VASP: variants seen among roughly 807,000 people sequenced by gnomAD.
VASP encodes the protein vasodilator stimulated phosphoprotein.
In VASP, 27 loss-of-function variants were observed where a neutral mutation model predicts 54.4. That is an observed-to-expected ratio of 0.50 (90% CI 0.37 to 0.68). The LOEUF (loss-of-function observed/expected upper bound fraction) is 0.68, where lower values mean the gene tolerates loss of function less well. Among genes scored for constraint, VASP ranks in the 30% least tolerant of loss-of-function variants. The probability of loss-of-function intolerance (pLI) is 0.00; values close to 1 mark genes in which losing one functional copy is unlikely to be tolerated. For missense variants in VASP, 488 were observed against 528.3 expected (o/e 0.92, Z 0.75); for synonymous variants, 233 against 209.8 (o/e 1.11, Z -0.96).
In VASP at chr19:45,523,634, T is replaced by C. The variant is rs748011786; in HGVS notation, c.822-10T>C. The C allele has an allele frequency of 4.3e-6, 7 of 1,613,832 alleles. No homozygotes were observed. The African/African-American group carries it at 8.0e-5, about 18-fold the overall frequency. On this transcript the variant is annotated splice_polypyrimidine_tract_variant and intron_variant, in intron 7 of 12. Transcript: ENST00000245932. ...ACGGAAGCACGTGTTTTTGCTTTTC[T>C]CTCCTGCAGAAGGAAAGCCACGCAA...
intron 3 of VASP, among the ~76,000 whole-genome samples, chr19:45,518,368 C>T (rs1402346792): frequency 6.6e-6 from 1 of 152,102 alleles, no homozygotes; most frequent in African/African-American, 2.4e-5. Context: ...AGGAGTTTCA[C>T]CGTGCCCAAC....
intron 3 of VASP, among the ~76,000 whole-genome samples, chr19:45,519,887 G>T (rs1299510953): frequency 1.7e-5 from 2 of 117,758 alleles, no homozygotes; most frequent in Admixed American, 9.4e-5. Context: ...GAGCCACTGC[G>T]CCCGGCCTTT....
intron 11 of VASP, among the ~76,000 whole-genome samples, chr19:45,525,358 G>T (rs940351810): frequency 4.6e-5 from 7 of 152,136 alleles, no homozygotes; most frequent in African/African-American, 9.7e-5. Context: ...GAGGTCAGGG[G>T]TTCAAGACCA....
chr19:45,522,398 T>C lies in VASP; in HGVS notation c.537T>C (p.Pro179=), dbSNP rs1417809077. The change falls in exon 6 of 13, where the codon CCT becomes CCC. Residue 179 remains proline, a synonymous_variant. Coordinates refer to ENST00000245932, the MANE Select transcript of VASP (RefSeq NM_003370.4). The part of the protein sequence containing the change: ...GPPPPPGPPP[P]PGPPPPPGLP... ...CCCCACCACCAGGACCTCCCCCTCC[T>C]CCAGGTCCCCCCCCACCCCCAGGTT... 1 of 1,433,468 alleles carries C rather than the reference T, an allele frequency of 7.0e-7. No individual in the cohort carries two copies. Among genetic ancestry groups the C allele is most frequent in the Non-Finnish European group, 9.4e-7 (1 of 1,063,080 alleles). The allele number at this position is 1,433,468 out of a possible 1,614,324, so 88.8% of individuals were successfully genotyped here.
At chr19:45,513,468 C>CATTTTTTTT (rs1968640369) in intron 1 of VASP, among the ~76,000 whole-genome samples, 1 of 92,766 alleles carries the variant, frequency 1.1e-5, no homozygotes, top group Non-Finnish European at 2.0e-5. Flanking sequence ...AGTCTCTCTC[C>CATTTTTTTT]TTTTTTTTTT....
At position 45,513,468 on chromosome 19, in the gene VASP, C is replaced by CTTTTTTTTTTTTTTTT. The variant is rs71173173; in HGVS notation, c.6-4189_6-4174dup. ...CATCTTGCCCAAGCTAGTCTCTCTC[C>CTTTTTTTTTTTTTTTT]TTTTTTTTTTTTTTTTTTTTTGAGA... On this transcript the variant is annotated intron_variant, in intron 1 of 12. Transcript: ENST00000245932. Among the ~76,000 whole-genome samples, 25 of 92,782 alleles carry CTTTTTTTTTTTTTTTT rather than the reference C, an allele frequency of 2.7e-4. 1 individual carries two copies. The highest frequency in any genetic ancestry group is 9.7e-4 in the East Asian group (3 of 3,096). 60.9% of individuals were successfully genotyped at this position (92,782 alleles called of 152,430 possible). A position where few individuals can be genotyped will look rare whatever the true frequency, so the allele number is the denominator to read the frequency against.
At chr19:45,514,731 G>T (rs1206104873) in intron 1 of VASP, among the ~76,000 whole-genome samples, 1 of 152,210 alleles carries the variant, frequency 6.6e-6, no homozygotes, top group Non-Finnish European at 1.5e-5. Context: ...CTGGGTGTGG[G>T]TGGCAGGTGT....
At chr19:45,519,608 T>C (rs529495380) in intron 3 of VASP, among the ~76,000 whole-genome samples, 1 of 150,002 alleles carries the variant, frequency 6.7e-6, no homozygotes, top group South Asian at 2.1e-4. Context: ...TTTTTTTTTT[T>C]TTTTTGGAGA....
At chr19:45,525,351 G>T (rs927709241) in intron 11 of VASP, among the ~76,000 whole-genome samples, 1 of 152,124 alleles carries the variant, frequency 6.6e-6, no homozygotes, top group African/African-American at 2.4e-5. Flanking sequence ...ATCACCTGAG[G>T]TCAGGGGTTC....
intron 1 of VASP, among the ~76,000 whole-genome samples, chr19:45,509,424 G>A (rs999573609): frequency 2.0e-5 from 3 of 152,056 alleles, no homozygotes; most frequent in African/African-American, 7.2e-5. Context: ...CAGGCTCGGT[G>A]GAAGGCGGAT....
At position 45,523,857 on chromosome 19, in the gene VASP, C is replaced by T; in HGVS notation, c.890C>T (p.Ala297Val). The change falls in exon 9 of 13, where the codon GCC (alanine) becomes GTC (valine). Residue 297 changes from alanine (A) to valine (V), a missense_variant. This residue lies in a region of VASP where 126 missense variants were observed against 134.8 expected (regional missense o/e 0.94). Coordinates refer to ENST00000245932, the MANE Select transcript of VASP (RefSeq NM_003370.4). ...TCCTACCAGCAGGAGGAGCCAGAGGCCAGAGTCCCGGCCCAGAGTGGTGAG... is the reference window on the plus strand; with the variant it reads ...TCCTACCAGCAGGAGGAGCCAGAGGTCAGAGTCCCGGCCCAGAGTGGTGAG... ...DESANQEEPE[A>V]RVPAQSESVR... 1.2e-6 allele frequency: 2 copies of T among 1,613,932 alleles called. No homozygotes were observed. Among genetic ancestry groups the T allele is most frequent in the Non-Finnish European group, 1.7e-6 (2 of 1,179,992 alleles).
chr19:45,513,687 C>T (rs1439585495), intron 1 of VASP, among the ~76,000 whole-genome samples: 2 of 151,614 alleles, frequency 1.3e-5, no homozygotes, highest in South Asian at 2.1e-4. Context: ...AGGCTGGTGT[C>T]GAACTCTTGA....
In VASP at chr19:45,515,767, A is replaced by C. The variant is rs183706550; in HGVS notation, c.6-1896A>C. On this transcript the variant is annotated intron_variant, in intron 1 of 12. Transcript: ENST00000245932. ...TGCCCAGGCTGGTCTCGAACACCTG[A>C]GCTCAAGCGATCCATTCACCTCAGC... Among the ~76,000 whole-genome samples, 57 of 152,156 alleles carry C rather than the reference A, an allele frequency of 3.7e-4. 1 individual carries two copies. The highest frequency in any genetic ancestry group is 1.3e-3 in the Admixed American group (20 of 15,274).
Position 45,526,543 on chromosome 19 carries a change from G to T in VASP, c.*366G>T, listed in dbSNP as rs552372347. 59 of 173,690 alleles carry T rather than the reference G, an allele frequency of 3.4e-4. No homozygotes were observed. The highest frequency in any genetic ancestry group is 1.1e-3 in the African/African-American group (46 of 42,028). The allele number at this position is 173,690 out of a possible 1,614,324, so 10.8% of individuals were successfully genotyped here. On this transcript the variant is annotated 3_prime_UTR_variant, in exon 13 of 13. Coordinates refer to ENST00000245932, the MANE Select transcript of VASP (RefSeq NM_003370.4). ...AACGCTTAATGCCTTCAAAGTTTTG[G>T]TTTTTTTAAGAAAAAAAAATATATA...
intron 1 of VASP, among the ~76,000 whole-genome samples, chr19:45,509,798 A>T (rs1968565924): frequency 6.6e-6 from 1 of 152,188 alleles, no homozygotes; most frequent in Non-Finnish European, 1.5e-5. Context: ...GGGGAAACTG[A>T]GGCTCAAAGA....
In VASP at chr19:45,507,823, G is replaced by A. The variant is rs1339007167; in HGVS notation, c.5+47G>A. 2 of 1,202,438 alleles carry A rather than the reference G, an allele frequency of 1.7e-6. No individual in the cohort carries two copies. Among genetic ancestry groups the A allele is most frequent in the African/African-American group, 1.7e-5 (1 of 58,956 alleles). The allele number at this position is 1,202,438 out of a possible 1,614,324, so 74.5% of individuals were successfully genotyped here. On this transcript the variant is annotated intron_variant, in intron 1 of 12. Coordinates refer to ENST00000245932, the MANE Select transcript of VASP (RefSeq NM_003370.4). The surrounding 1 kb of genome is among the most constrained non-coding windows in gnomAD (Gnocchi z 4.4). ...ACCCGTCCCCGCCCGGGCGGGCTCC[G>A]CGCCCCGCCTTTGTCCCCCTCCCCC...
Position 45,507,733 on chromosome 19 carries a change from A to AGCCAGCCCGTGGGCGAGCC in VASP, c.-35_-17dup, listed in dbSNP as rs776195251. The AGCCAGCCCGTGGGCGAGCC allele has an allele frequency of 2.6e-6, 4 of 1,513,056 alleles. No individual in the cohort carries two copies. The South Asian group carries it at 4.8e-5, about 18-fold the overall frequency. The allele number at this position is 1,513,056 out of a possible 1,614,324, so 93.7% of individuals were successfully genotyped here. ...CTCCAGCCAGGGGCGCCCCGGGAGC[A>AGCCAGCCCGTGGGCGAGCC]GCCAGCCCGTGGGCGAGCCGCCCGC... On this transcript the variant is annotated 5_prime_UTR_variant, in exon 1 of 13. Coordinates refer to ENST00000245932, the MANE Select transcript of VASP (RefSeq NM_003370.4). This position sits in a 1 kb window ranked among gnomAD's most constrained non-coding sequence, Gnocchi z 4.4.
chr19:45,509,391 A>AT (rs1555799831), intron 1 of VASP, among the ~76,000 whole-genome samples: 6 of 132,430 alleles, frequency 4.5e-5, no homozygotes, highest in Non-Finnish European at 6.7e-5. Flanking sequence ...CCGCCCCTCC[A>AT]CCCCCCCTCG....
At chr19:45,518,891 G>T (rs536100631) in intron 3 of VASP, among the ~76,000 whole-genome samples, 1 of 152,184 alleles carries the variant, frequency 6.6e-6, no homozygotes. Flanking sequence ...GAGTGCAGTG[G>T]TGCAACCTCA....
Sources: allele counts gnomAD v4.1 joint callset (sites outside exome capture counted in the v4.1 genomes callset), GRCh38; gene constraint gnomAD v4.1.1; regional missense constraint gnomAD v4.1.1; non-coding constraint Gnocchi (gnomAD v3.1); transcripts MANE v1.5; gene names NCBI Gene and HGNC (gene_info 2026-07-23, HGNC 2026-07-21).